CLSTN2: variants seen among roughly 807,000 people sequenced by gnomAD.
CLSTN2 encodes the protein calsyntenin-2.
In CLSTN2, 48 loss-of-function variants were observed where a neutral mutation model predicts 101.2. That is an observed-to-expected ratio of 0.47 (90% CI 0.38 to 0.60). The LOEUF (loss-of-function observed/expected upper bound fraction) is 0.60, where lower values mean the gene tolerates loss of function less well. Ranked by LOEUF, CLSTN2 falls within the 20% of genes least tolerant of loss-of-function variation. CLSTN2 has a pLI of 0.00. For missense variants in CLSTN2, 1,160 were observed against 1,238.2 expected, an observed-to-expected ratio of 0.94 and a Z score of 0.95; for synonymous variants, 481 against 463.6, an observed-to-expected ratio of 1.04 and a Z score of -0.48.
At chr3:140,045,006 C>G (rs530050916) in intron 1 of CLSTN2, among the ~76,000 whole-genome samples, 1 of 152,134 alleles carries the variant, frequency 6.6e-6, no homozygotes, top group Non-Finnish European at 1.5e-5. Flanking sequence ...TTGGTTGTGT[C>G]TCTGCCAGGC....
intron 1 of CLSTN2, among the ~76,000 whole-genome samples, chr3:140,096,554 A>G (rs181297410): frequency 9.8e-5 from 15 of 152,286 alleles, no homozygotes; most frequent in Non-Finnish European, 1.5e-4. Context: ...CCCCATTCTC[A>G]TGACTACTCC....
At position 140,191,611 on chromosome 3, in the gene CLSTN2, G is replaced by T. The variant is rs114775434; in HGVS notation, c.232+15538G>T. On this transcript the variant is annotated intron_variant, in intron 2 of 16. Coordinates refer to ENST00000458420, the MANE Select transcript of CLSTN2 (RefSeq NM_022131.3). ...CTCTTCAATTCTCTATTTTATATTGGATGGGTTGTAGTTTCTGTTTTTCAA... is the reference window on the plus strand; with the variant it reads ...CTCTTCAATTCTCTATTTTATATTGTATGGGTTGTAGTTTCTGTTTTTCAA... Among the ~76,000 whole-genome samples the T allele has an allele frequency of 3.9e-3, 589 of 151,930 alleles. 3 individuals carry two copies. The highest frequency in any genetic ancestry group is 0.013 in the African/African-American group (521 of 41,512).
intron 2 of CLSTN2, among the ~76,000 whole-genome samples, chr3:140,388,297 C>T (rs2088075850): frequency 1.3e-5 from 2 of 152,194 alleles, no homozygotes; most frequent in South Asian, 4.1e-4. Flanking sequence ...GAGGAAAATA[C>T]CATTGTAATT....
intron 2 of CLSTN2, among the ~76,000 whole-genome samples, chr3:140,315,955 C>T (rs113918753): frequency 0.02 from 3,066 of 152,198 alleles, 98 homozygotes; most frequent in African/African-American, 0.069. Flanking sequence ...GAGAGGGGAG[C>T]TTAGTGGAAG....
intron 1 of CLSTN2, among the ~76,000 whole-genome samples, chr3:139,945,793 T>C (rs961290876): frequency 1.3e-5 from 2 of 152,198 alleles, no homozygotes; most frequent in Non-Finnish European, 2.9e-5. Flanking sequence ...ATTACAGAGG[T>C]GTTTGATTTA....
chr3:140,466,650 C>T lies in CLSTN2; in HGVS notation c.1263C>T (p.Cys421=). ...ACTATGCCCTGTATGTGCACAACTG[C>T]CGCCTCGTCTTTCTCTTGCGGAAGG... is the stretch of plus-strand genomic sequence containing the variant. ...RHHYALYVHN[C]RLVFLLRKDF... The change falls in exon 8 of 17, where the codon TGC becomes TGT. Residue 421 remains cysteine, a synonymous_variant. Transcript: ENST00000458420. The T allele has an allele frequency of 6.2e-7, 1 of 1,614,176 alleles. No homozygotes were observed. Among genetic ancestry groups the T allele is most frequent in the African/African-American group, 1.3e-5 (1 of 75,060 alleles).
chr3:139,947,623 A>G (rs2107808985), intron 1 of CLSTN2, among the ~76,000 whole-genome samples: 1 of 152,306 alleles, frequency 6.6e-6, no homozygotes, highest in South Asian at 2.1e-4. Context: ...AGTAAAAAGA[A>G]TGTCATAGCT....
chr3:139,966,897 T>C (rs1935610319), intron 1 of CLSTN2, among the ~76,000 whole-genome samples: 1 of 152,160 alleles, frequency 6.6e-6, no homozygotes, highest in South Asian at 2.1e-4. Context: ...AGTAACAGTA[T>C]TGAGTGAGGC....
rs138631166 is a variant in CLSTN2, at chr3:140,254,613, T to C, written c.232+78540T>C. On this transcript the variant is annotated intron_variant, in intron 2 of 16. Transcript: ENST00000458420. ...TTATCTACAGTTTACAGTGAGAAAA[T>C]TTAGGCATACAGATGCAGAAGATTG... is the stretch of plus-strand genomic sequence containing the variant. 2.8e-3 allele frequency among the ~76,000 whole-genome samples: 428 copies of C among 152,180 alleles called. 1 individual carries two copies. The highest frequency in any genetic ancestry group is 9.6e-3 in the African/African-American group (397 of 41,526).
intron 8 of CLSTN2, among the ~76,000 whole-genome samples, chr3:140,485,397 G>C (rs1934216494): frequency 6.6e-6 from 1 of 152,230 alleles, no homozygotes; most frequent in Admixed American, 6.5e-5. Context: ...AGGCTACTTG[G>C]GGCTCAGGGA....
At chr3:140,135,087 A>ACACACACACACACAC (rs1553801553) in intron 1 of CLSTN2, among the ~76,000 whole-genome samples, 2 of 51,428 alleles carry the variant, frequency 3.9e-5, no homozygotes, top group African/African-American at 1.1e-4. Flanking sequence ...CTCTCAAAAA[A>ACACACACACACACAC]ACACACACAC....
At chr3:140,564,212 C>T in intron 16 of CLSTN2, 67 bp downstream of exon 16, 8 of 1,486,764 alleles carry the variant, frequency 5.4e-6, no homozygotes, top group Non-Finnish European at 7.4e-6. Flanking sequence ...TCAACCCTTC[C>T]TATGCCTAAA....
chr3:140,502,310 G>C (rs2107762903), intron 8 of CLSTN2, among the ~76,000 whole-genome samples: 1 of 152,310 alleles, frequency 6.6e-6, no homozygotes, highest in East Asian at 1.9e-4. Context: ...GGCTTGTGGG[G>C]CTGAGCAGTG....
chr3:140,382,885 T>G (rs147500749), intron 2 of CLSTN2, among the ~76,000 whole-genome samples: 1 of 150,016 alleles, frequency 6.7e-6, no homozygotes, highest in Non-Finnish European at 1.5e-5. Context: ...CCCAGTCACC[T>G]TCCAAAGGCC....
chr3:140,353,425 A>T (rs1648486044), intron 2 of CLSTN2, among the ~76,000 whole-genome samples: 1 of 152,078 alleles, frequency 6.6e-6, no homozygotes, highest in African/African-American at 2.4e-5. Context: ...GTATACTGGG[A>T]GTCTAGGCCA....
intron 1 of CLSTN2, among the ~76,000 whole-genome samples, chr3:140,020,166 G>A (rs563264057): frequency 6.6e-6 from 1 of 152,274 alleles, no homozygotes; most frequent in East Asian, 1.9e-4. Context: ...GCTGAGGTCT[G>A]TTACCCAGGA....
Position 140,274,360 on chromosome 3 carries a change from A to T in CLSTN2, c.232+98287A>T, listed in dbSNP as rs562903779. Among the ~76,000 whole-genome samples the T allele has an allele frequency of 3.3e-5, 5 of 152,326 alleles. No individual in the cohort carries two copies. The South Asian group carries it at 1.0e-3, about 32-fold the overall frequency. On this transcript the variant is annotated intron_variant, in intron 2 of 16. Coordinates refer to ENST00000458420, the MANE Select transcript of CLSTN2 (RefSeq NM_022131.3). ...CCCTGCTGCTTATGAGGGAGGCTGG[A>T]CCAGCTCCCCAAAATCTGATGGAAG...
intron 1 of CLSTN2, among the ~76,000 whole-genome samples, chr3:140,139,865 A>G (rs1486767445): frequency 6.6e-6 from 1 of 152,182 alleles, no homozygotes; most frequent in East Asian, 1.9e-4. Context: ...TCTTGGTTAT[A>G]TCACGACTTG....
intron 1 of CLSTN2, among the ~76,000 whole-genome samples, chr3:140,086,429 A>G (rs1423224811): frequency 6.6e-6 from 1 of 152,212 alleles, no homozygotes; most frequent in Non-Finnish European, 1.5e-5. Context: ...TTCATATGTC[A>G]TTGAGAATAT....
Sources: gnomAD v4.1 joint callset for allele counts (sites outside exome capture counted in the v4.1 genomes callset) on GRCh38, gnomAD v4.1.1 for gene constraint, MANE v1.5 for transcripts, NCBI Gene and HGNC (gene_info 2026-07-23, HGNC 2026-07-21) for gene names.